The following PLPPR5 variants were observed in gnomAD, a reference collection of about 807,000 sequenced individuals.
PLPPR5 encodes the protein phospholipid phosphatase-related protein type 5.
PLPPR5 carries 16 observed loss-of-function variants against 33.9 expected under a neutral mutation model. The ratio of observed to expected loss-of-function variants is 0.47; its 90% CI spans 0.32 to 0.72. PLPPR5 has a LOEUF of 0.72. Among genes scored for constraint, PLPPR5 ranks in the 30% least tolerant of loss-of-function variants. The pLI, the probability that PLPPR5 is intolerant of heterozygous loss-of-function variation, is 0.03. For synonymous variants in PLPPR5, 163 were observed against 150.3 expected, an observed-to-expected ratio of 1.08 and a Z score of -0.62; for missense variants, 301 against 406.7, an observed-to-expected ratio of 0.74 and a Z score of 2.23.
Position 99,004,794 on chromosome 1 carries a change from G to A in PLPPR5, c.-123C>T. On this transcript the variant is annotated 5_prime_UTR_variant, in exon 1 of 6. Coordinates refer to ENST00000263177, the MANE Select transcript of PLPPR5 (RefSeq NM_001037317.2). ...CGGAGGCGGCGGGAGGACGAGGCAC[G>A]GGAGGCGGGATGGAGCCGCTGGAGG... The A allele has an allele frequency of 4.1e-6, 2 of 489,352 alleles. No individual in the cohort carries two copies. Among genetic ancestry groups the A allele is most frequent in the Non-Finnish European group, 6.1e-6 (2 of 325,288 alleles). 30.3% of individuals were successfully genotyped at this position (489,352 alleles called of 1,614,324 possible).
chr1:98,918,369 A>G (rs1649434706), intron 4 of PLPPR5, among the ~76,000 whole-genome samples: 1 of 152,218 alleles, frequency 6.6e-6, no homozygotes, highest in Non-Finnish European at 1.5e-5. Context: ...CACAATAACT[A>G]TTATTGTTGT....
At chr1:98,949,806 TCA>T (rs145615690) in intron 3 of PLPPR5, among the ~76,000 whole-genome samples, 1 of 151,170 alleles carries the variant, frequency 6.6e-6, no homozygotes, top group African/African-American at 2.4e-5. Flanking sequence ...CCACCCACAC[TCA>T]CACACACACA....
At chr1:98,978,030 G>A (rs985643078) in intron 1 of PLPPR5, among the ~76,000 whole-genome samples, 14 of 151,964 alleles carry the variant, frequency 9.2e-5, no homozygotes, top group African/African-American at 2.2e-4. Context: ...GATAAAAGTC[G>A]TAAAATCTTT....
At chr1:98,960,030 G>T (rs560625861) in intron 1 of PLPPR5, among the ~76,000 whole-genome samples, 2 of 151,828 alleles carry the variant, frequency 1.3e-5, no homozygotes, top group Non-Finnish European at 2.9e-5. Flanking sequence ...ATATGCCTAG[G>T]TGTCTGCTTT....
At chr1:98,897,253 G>A (rs1039743090) in intron 5 of PLPPR5, among the ~76,000 whole-genome samples, 4 of 152,164 alleles carry the variant, frequency 2.6e-5, no homozygotes, top group Admixed American at 6.5e-5. Flanking sequence ...GCGCACATAC[G>A]TTTATTGCCT....
At chr1:98,917,738 C>G (rs1488531490) in intron 4 of PLPPR5, among the ~76,000 whole-genome samples, 1 of 152,134 alleles carries the variant, frequency 6.6e-6, no homozygotes, top group Non-Finnish European at 1.5e-5. Context: ...TTTTTGCTTA[C>G]ATGGAGCTGT....
At chr1:98,896,989 CTT>C (rs199525018) in intron 5 of PLPPR5, among the ~76,000 whole-genome samples, 2,790 of 152,218 alleles carry the variant, frequency 0.018, 35 homozygotes, top group South Asian at 0.044. Flanking sequence ...CCAGGGAAGT[CTT>C]TGGAATTACA....
At chr1:98,980,989 C>A (rs1652042679) in intron 1 of PLPPR5, among the ~76,000 whole-genome samples, 2 of 152,002 alleles carry the variant, frequency 1.3e-5, no homozygotes, top group South Asian at 2.1e-4. Context: ...ATGCATTTCA[C>A]AGTATTAATT....
chr1:98,923,482 C>T (rs1649645233), intron 3 of PLPPR5, among the ~76,000 whole-genome samples: 1 of 152,052 alleles, frequency 6.6e-6, no homozygotes, highest in Admixed American at 6.6e-5. Context: ...TTCATACCTG[C>T]CATTTTAGAA....
At chr1:98,923,952 G>C (rs1649663182) in intron 3 of PLPPR5, among the ~76,000 whole-genome samples, 1 of 152,196 alleles carries the variant, frequency 6.6e-6, no homozygotes, top group Admixed American at 6.5e-5. Flanking sequence ...CGTATGAATA[G>C]ACAGGGAAAT....
intron 1 of PLPPR5, among the ~76,000 whole-genome samples, chr1:98,994,077 T>TA (rs1652547423): frequency 6.6e-6 from 1 of 152,116 alleles, no homozygotes; most frequent in African/African-American, 2.4e-5. Context: ...GGCTTTATCC[T>TA]AGTTTTAGGA....
At chr1:98,982,108 C>CTGAGTGACAATAAAATCATG (rs1553171636) in intron 1 of PLPPR5, among the ~76,000 whole-genome samples, 1 of 152,010 alleles carries the variant, frequency 6.6e-6, no homozygotes, top group Non-Finnish European at 1.5e-5. Flanking sequence ...TTCAGAGATC[C>CTGAGTGACAATAAAATCATG]TGAGTGACAA....
At chr1:98,910,762 T>C (rs1263284073) in intron 5 of PLPPR5, among the ~76,000 whole-genome samples, 5 of 151,940 alleles carry the variant, frequency 3.3e-5, no homozygotes, top group Non-Finnish European at 5.9e-5. Flanking sequence ...ACTGGGACCA[T>C]TTAAACATGC....
chr1:98,953,832 C>T (rs1650898417), intron 2 of PLPPR5, among the ~76,000 whole-genome samples: 2 of 152,174 alleles, frequency 1.3e-5, no homozygotes, highest in South Asian at 2.1e-4. Flanking sequence ...CCAGTACCAT[C>T]AGTTTTCATT....
At chr1:99,001,506 C>T (rs1028285467) in intron 1 of PLPPR5, among the ~76,000 whole-genome samples, 8 of 151,052 alleles carry the variant, frequency 5.3e-5, no homozygotes, top group Non-Finnish European at 7.4e-5. Context: ...GAACCTGAGC[C>T]CTAGTCAGCA....
At chr1:98,902,116 G>C (rs539083666) in intron 5 of PLPPR5, among the ~76,000 whole-genome samples, 3 of 152,040 alleles carry the variant, frequency 2.0e-5, no homozygotes, top group African/African-American at 7.2e-5. Flanking sequence ...TCCTTAAAAT[G>C]GAAATAAGAC....
intron 1 of PLPPR5, among the ~76,000 whole-genome samples, chr1:98,972,942 T>C (rs1238992178): frequency 1.3e-5 from 2 of 152,046 alleles, no homozygotes; most frequent in Non-Finnish European, 2.9e-5. Flanking sequence ...CTAGACATCC[T>C]TATGTTTGGA....
intron 1 of PLPPR5, 112 bp from the exon 2 acceptor site, chr1:98,956,853 T>C: frequency 2.6e-6 from 2 of 781,546 alleles, no homozygotes; most frequent in South Asian, 2.8e-5. Context: ...ATAATCTCAA[T>C]GTAAAACAGA....
intron 5 of PLPPR5, among the ~76,000 whole-genome samples, chr1:98,894,882 C>T (rs945571509): frequency 6.6e-6 from 1 of 151,936 alleles, no homozygotes; most frequent in Non-Finnish European, 1.5e-5. Context: ...CAGAGCTTGA[C>T]AGAAATAGAG....
Sources: allele counts gnomAD v4.1 joint callset (sites outside exome capture counted in the v4.1 genomes callset), GRCh38; gene constraint gnomAD v4.1.1; transcripts MANE v1.5; gene names NCBI Gene and HGNC (gene_info 2026-07-23, HGNC 2026-07-21).